The following SSUH2 variants were observed in gnomAD, a reference collection of about 807,000 sequenced individuals.
SSUH2 encodes protein SSUH2 homolog.
A neutral mutation model predicts 55.3 loss-of-function variants in SSUH2; 47 were observed. That is an observed-to-expected ratio of 0.85 (90% CI 0.67 to 1.08). SSUH2 has a LOEUF of 1.08. Ranked by LOEUF, SSUH2 falls within the 50% of genes least tolerant of loss-of-function variation. The pLI is 0.00. For synonymous variants in SSUH2, 212 were observed against 191.5 expected (o/e 1.11, Z -0.89); for missense variants, 535 against 490.7 (o/e 1.09, Z -0.85).
chr3:8,677,894 T>C (rs1705541050), intron 2 of SSUH2, among the ~76,000 whole-genome samples: 1 of 150,822 alleles, frequency 6.6e-6, no homozygotes, highest in Admixed American at 6.6e-5. Context: ...GTGAGTAATA[T>C]CATCTCCCCC....
chr3:8,620,332 T>C (rs1696157000), intron 11 of SSUH2, among the ~76,000 whole-genome samples: 2 of 152,230 alleles, frequency 1.3e-5, no homozygotes, highest in South Asian at 4.1e-4. Context: ...TGCTCTCTTC[T>C]TGCCTTGCCT....
rs903443067 is a variant in SSUH2 at position 8,635,850 on chromosome 3, C to T, written c.36G>A (p.Val12=). ...DRDLNEDDSV[V]DLSFEAESPL... is the part of the protein sequence containing the mutation. Reference sequence around the variant, plus strand: ...GACTCTCGGCCTCAAAACTGAGGTCCACCACACCTGCAGAAAGACAAGCAT... The same window carrying T: ...GACTCTCGGCCTCAAAACTGAGGTCTACCACACCTGCAGAAAGACAAGCAT... Residue 12 remains valine, a synonymous_variant, in exon 2 of 12, where the codon GTG becomes GTA. Transcript: ENST00000544814. 1.3e-6 allele frequency: 2 copies of T among 1,535,952 alleles called. No individual in the cohort carries two copies. Among genetic ancestry groups the T allele is most frequent in the African/African-American group, 1.4e-5 (1 of 73,160 alleles).
chr3:8,670,702 T>C (rs1704471273), intron 5 of SSUH2, among the ~76,000 whole-genome samples: 1 of 152,002 alleles, frequency 6.6e-6, no homozygotes, highest in East Asian at 1.9e-4. Context: ...CCTAGTAACA[T>C]CTCTTTAGGA....
chr3:8,679,934 A>T (rs1243225501), intron 1 of SSUH2: 1 of 152,206 alleles, frequency 6.6e-6, no homozygotes, highest in East Asian at 1.9e-4. Context: ...GTATTAGCCA[A>T]GCCTTTGTAT....
rs576749670 is a variant in SSUH2 at position 8,621,373 on chromosome 3, T to TG, written c.982-1360dup. Among the ~76,000 whole-genome samples, 145 of 152,110 alleles carry TG rather than the reference T, an allele frequency of 9.5e-4. 2 individuals carry two copies. The highest frequency in any genetic ancestry group is 7.5e-3 in the Admixed American group (115 of 15,272). ...TAGGGAAGAGGTAAACCAGGCCGGG[T>TG]GGGGGGCTGAGGCTGAAGCCATCTG... On this transcript the variant is annotated intron_variant, in intron 11 of 11. Coordinates refer to ENST00000544814, the MANE Select transcript of SSUH2 (RefSeq NM_001256748.3).
At chr3:8,680,916 A>G (rs1022531577) in intron 1 of SSUH2, among the ~76,000 whole-genome samples, 1 of 151,970 alleles carries the variant, frequency 6.6e-6, no homozygotes, top group Non-Finnish European at 1.5e-5. Context: ...TAACAATTTG[A>G]CAGGCTGGGT....
chr3:8,652,014 C>A (rs1702468940), intron 7 of SSUH2: 4 of 152,402 alleles, frequency 2.6e-5, no homozygotes, highest in African/African-American at 9.6e-5. Flanking sequence ...GTCTCTGACT[C>A]CCCTCCGCAC....
intron 1 of SSUH2, among the ~76,000 whole-genome samples, chr3:8,641,248 G>T (rs1325395032): frequency 6.6e-6 from 1 of 152,230 alleles, no homozygotes; most frequent in African/African-American, 2.4e-5. Flanking sequence ...GGTCCATGTG[G>T]GGTCTGTGTC....
rs1699835894 is a variant in SSUH2, at chr3:8,635,822, G to A, written c.64C>T (p.Leu22=). The A allele has an allele frequency of 6.5e-7, 1 of 1,536,076 alleles. No homozygotes were observed. The highest frequency in any genetic ancestry group is 2.0e-5 in the Admixed American group (1 of 51,006). ...VDLSFEAESP[L]APPTELLERL... is the part of the protein sequence containing the mutation. ...TCCAGGAGCTCTGTGGGGGGCGCCA[G>A]AGGACTCTCGGCCTCAAAACTGAGG... Residue 22 remains leucine, a synonymous_variant, in exon 2 of 12, where the codon CTG becomes TTG. Coordinates refer to ENST00000544814, the MANE Select transcript of SSUH2 (RefSeq NM_001256748.3).
At chr3:8,634,723 A>G in intron 3 of SSUH2, 2 of 489,798 alleles carry the variant, frequency 4.1e-6, no homozygotes, top group Non-Finnish European at 7.3e-6. Flanking sequence ...CCCCCGGGAG[A>G]AGCCTCTCAT....
Position 8,626,288 on chromosome 3 carries a change from G to C in SSUH2, c.708C>G (p.Thr236=). The change falls in exon 9 of 12, where the codon ACC becomes ACG. Residue 236 remains threonine (T), a synonymous_variant. Transcript: ENST00000544814. ...TCTTCTCCCCCTTGCAGGTGGCGCAGGTCTTGTTCCCTCTCCCTGAGCAAG... is the reference window on the plus strand; with the variant it reads ...TCTTCTCCCCCTTGCAGGTGGCGCACGTCTTGTTCCCTCTCCCTGAGCAAG... ...CSTCSGRGNK[T]CATCKGEKKL... The C allele has an allele frequency of 6.2e-7, 1 of 1,614,092 alleles. No homozygotes were observed. Among genetic ancestry groups the C allele is most frequent in the African/African-American group, 1.3e-5 (1 of 75,038 alleles).
At chr3:8,656,347 G>A (rs948121863) in intron 7 of SSUH2, among the ~76,000 whole-genome samples, 1 of 152,208 alleles carries the variant, frequency 6.6e-6, no homozygotes, top group Non-Finnish European at 1.5e-5. Context: ...CTAACATACA[G>A]GAAATGAGGC....
intron 4 of SSUH2, among the ~76,000 whole-genome samples, chr3:8,633,376 TCA>T (rs1699243431): frequency 2.4e-5 from 1 of 41,702 alleles, no homozygotes; most frequent in Non-Finnish European, 7.0e-5. Flanking sequence ...CTGACTCACC[TCA>T]GGTGATCCTG....
intron 6 of SSUH2, among the ~76,000 whole-genome samples, chr3:8,661,379 T>C (rs545324476): frequency 6.6e-6 from 1 of 152,344 alleles, no homozygotes; most frequent in African/African-American, 2.4e-5. Flanking sequence ...TCACGTATCC[T>C]TTTCCCTCTA....
chr3:8,645,857 G>A (rs1008608239), upstream of SSUH2, among the ~76,000 whole-genome samples: 1 of 152,066 alleles, frequency 6.6e-6, no homozygotes, highest in South Asian at 2.1e-4. Flanking sequence ...CTTCACCCTC[G>A]TCACTGACTG....
chr3:8,629,652 C>T lies in SSUH2; in HGVS notation c.588+12G>A, dbSNP rs760018851. On this transcript the variant is annotated intron_variant, in intron 7 of 11. Transcript: ENST00000544814. The stretch of plus-strand genomic sequence containing the variant: ...CCCTCACTGACTCACCAGTGGTTCA[C>T]AGATGACTCACCGTGCCCGCCCCGT... 3 of 1,613,968 alleles carry T rather than the reference C, an allele frequency of 1.9e-6. No homozygotes were observed. Among genetic ancestry groups the T allele is most frequent in the East Asian group, 2.2e-5 (1 of 44,890 alleles).
chr3:8,636,836 G>A (rs1380823406), intron 1 of SSUH2, among the ~76,000 whole-genome samples: 3 of 152,072 alleles, frequency 2.0e-5, no homozygotes, highest in Non-Finnish European at 4.4e-5. Flanking sequence ...GTACACTAAC[G>A]CCTTCCCTCA....
intron 1 of SSUH2, among the ~76,000 whole-genome samples, chr3:8,680,256 C>G (rs1052196302): frequency 6.6e-6 from 1 of 152,004 alleles, no homozygotes; most frequent in Admixed American, 6.5e-5. Flanking sequence ...AAGAAGCTGA[C>G]TCCTGGGCAA....
At chr3:8,681,412 C>T (rs1172672345) in intron 1 of SSUH2, among the ~76,000 whole-genome samples, 5 of 150,884 alleles carry the variant, frequency 3.3e-5, no homozygotes, top group African/African-American at 1.2e-4. Context: ...GGGAGGCACC[C>T]CCGGCGAGCC....
Sources: gnomAD v4.1 joint callset for allele counts (sites outside exome capture counted in the v4.1 genomes callset) on GRCh38, gnomAD v4.1.1 for gene constraint, MANE v1.5 for transcripts, NCBI Gene and HGNC (gene_info 2026-07-23, HGNC 2026-07-21) for gene names.